CMSS1: variants seen among roughly 807,000 people sequenced by gnomAD.
The protein encoded by CMSS1 is protein CMSS1.
CMSS1 carries 33 observed loss-of-function variants against 43.5 expected under a neutral mutation model. The ratio of observed to expected loss-of-function variants is 0.76; its 90% CI spans 0.57 to 1.01. The LOEUF (loss-of-function observed/expected upper bound fraction) is 1.01, where lower values mean the gene tolerates loss of function less well. Ranked by LOEUF, CMSS1 falls within the 50% of genes least tolerant of loss-of-function variation. The pLI is 0.00. For missense variants in CMSS1, 313 were observed against 326.4 expected, an observed-to-expected ratio of 0.96 and a Z score of 0.32; for synonymous variants, 115 against 117.2, an observed-to-expected ratio of 0.98 and a Z score of 0.12.
chr3:100,037,764 GAATGTTTA>G (rs1281773787), intron 1 of CMSS1, among the ~76,000 whole-genome samples: 1 of 152,078 alleles, frequency 6.6e-6, no homozygotes, highest in Non-Finnish European at 1.5e-5. Context: ...GTGTATAAGT[GAATGTTTA>G]AATGTTTTTG....
intron 1 of CMSS1, among the ~76,000 whole-genome samples, chr3:99,965,014 G>A (rs775574261): frequency 2.0e-5 from 3 of 152,146 alleles, no homozygotes; most frequent in Admixed American, 6.5e-5. Flanking sequence ...GATATACTTA[G>A]ATACTGCTGT....
chr3:99,900,014 G>A (rs942044450), intron 1 of CMSS1, among the ~76,000 whole-genome samples: 3 of 152,182 alleles, frequency 2.0e-5, no homozygotes, highest in African/African-American at 7.2e-5. Context: ...GAACCAACTT[G>A]TCAGGACTTT....
At chr3:99,828,924 C>T (rs1006686020) in intron 1 of CMSS1, among the ~76,000 whole-genome samples, 4 of 151,924 alleles carry the variant, frequency 2.6e-5, no homozygotes, top group African/African-American at 9.7e-5. Context: ...CCTATCATCC[C>T]TCTCAATGCT....
At chr3:99,876,153 C>G (rs1705505848) in intron 1 of CMSS1, 1 of 985,978 alleles carries the variant, frequency 1.0e-6, no homozygotes, top group South Asian at 4.7e-5. Context: ...GTGCGCGCTC[C>G]GAGAGTCGCC....
At chr3:100,106,638 G>C (rs2107467899) in intron 1 of CMSS1, among the ~76,000 whole-genome samples, 1 of 152,280 alleles carries the variant, frequency 6.6e-6, no homozygotes, top group South Asian at 2.1e-4. Context: ...AAGGGCTGTA[G>C]GATCCAGAAG....
chr3:100,097,861 C>G lies in CMSS1; in HGVS notation c.65-49112C>G, dbSNP rs550231283. ...CTTGCTACCTTCTAAGTTGCAATGGCTTTGTTGCACTTTTTCTGAATAGCT... is the reference window on the plus strand; with the variant it reads ...CTTGCTACCTTCTAAGTTGCAATGGGTTTGTTGCACTTTTTCTGAATAGCT... On this transcript the variant is annotated intron_variant, in intron 1 of 9. Coordinates refer to ENST00000421999, the MANE Select transcript of CMSS1 (RefSeq NM_032359.4). Among the ~76,000 whole-genome samples, 14 of 152,290 alleles carry G rather than the reference C, an allele frequency of 9.2e-5. No homozygotes were observed. The South Asian group carries it at 2.1e-3, about 23-fold the overall frequency.
At chr3:100,166,297 A>G (rs1343261156) in intron 4 of CMSS1, 38 bp from the exon 5 acceptor site, 1 of 1,388,480 alleles carries the variant, frequency 7.2e-7, no homozygotes, top group Admixed American at 1.7e-5. Context: ...GTGTGTGTTT[A>G]CAAAATTATC....
intron 1 of CMSS1, among the ~76,000 whole-genome samples, chr3:99,939,317 G>A (rs761960808): frequency 1.3e-5 from 2 of 152,196 alleles, no homozygotes; most frequent in Admixed American, 1.3e-4. Flanking sequence ...TTTAGTTCGT[G>A]TATCCTGGTT....
chr3:99,872,017 A>G (rs1559669621), intron 1 of CMSS1, among the ~76,000 whole-genome samples: 1 of 152,012 alleles, frequency 6.6e-6, no homozygotes, highest in East Asian at 1.9e-4. Context: ...TTATATCTAA[A>G]TTAACACCTA....
intron 2 of CMSS1, among the ~76,000 whole-genome samples, chr3:100,159,628 T>C (rs2067005690): frequency 6.6e-6 from 1 of 152,208 alleles, no homozygotes; most frequent in Non-Finnish European, 1.5e-5. Context: ...GCATAAAAGG[T>C]CCAGCACAGG....
rs79332748 is a variant in CMSS1 at position 99,860,614 on chromosome 3, A to C, written c.64+42571A>C. 4.7e-3 allele frequency among the ~76,000 whole-genome samples: 718 copies of C among 152,302 alleles called. 20 individuals carry two copies. The highest frequency in any genetic ancestry group is 0.028 in the East Asian group (147 of 5,170). On this transcript the variant is annotated intron_variant, in intron 1 of 9. Transcript: ENST00000421999. ...CTACAAGGAGAATATTTTCATCTTG[A>C]GAACAAAGGAGGTGCCCATGATTCT...
intron 1 of CMSS1, among the ~76,000 whole-genome samples, chr3:99,832,356 C>G (rs1003677153): frequency 9.9e-5 from 15 of 150,942 alleles, no homozygotes; most frequent in Admixed American, 6.6e-5. Context: ...TCAGCCTCCC[C>G]AGTAGCTGGG....
rs576860716 is a variant in CMSS1, at chr3:100,004,044, C to A, written c.65-142929C>A. On this transcript the variant is annotated intron_variant, in intron 1 of 9. Coordinates refer to ENST00000421999, the MANE Select transcript of CMSS1 (RefSeq NM_032359.4). ...TGCCTCTCTCAGGGTAAGCATCTTG[C>A]CTTACTCAGATGGTTACCAAAACTG... Among the ~76,000 whole-genome samples the A allele has an allele frequency of 4.6e-5, 7 of 152,248 alleles. No homozygotes were observed. The East Asian group carries it at 7.7e-4, about 17-fold the overall frequency.
Position 100,160,444 on chromosome 3 carries a change from T to C in CMSS1, c.168T>C (p.Phe56=). The C allele has an allele frequency of 6.7e-7, 1 of 1,498,628 alleles. No homozygotes were observed. The highest frequency in any genetic ancestry group is 2.3e-5 in the East Asian group (1 of 44,162). The allele number at this position is 1,498,628 out of a possible 1,614,324, so 92.8% of individuals were successfully genotyped here. A position where few individuals can be genotyped will look rare whatever the true frequency, so the allele number is the denominator to read the frequency against. Residue 56 remains phenylalanine (F), a synonymous_variant, in exon 3 of 10, where the codon TTT becomes TTC. Coordinates refer to ENST00000421999, the MANE Select transcript of CMSS1 (RefSeq NM_032359.4). The part of the protein sequence containing the change: ...SEKTKQPKEC[F]LIQPKERKEN... ...TTTCTTAATAGCCTAAAGAATGTTT[T>C]TTGATACAACCAAAGGAAAGAAAAG...
intron 1 of CMSS1, among the ~76,000 whole-genome samples, chr3:99,836,395 G>A (rs753811783): frequency 6.6e-6 from 1 of 152,106 alleles, no homozygotes; most frequent in Admixed American, 6.6e-5. Context: ...GGTTATGGGC[G>A]CATGCTAAGT....
chr3:100,141,386 A>T lies in CMSS1; in HGVS notation c.65-5587A>T, dbSNP rs147841880. 1.7e-4 allele frequency: 47 copies of T among 271,392 alleles called. 1 individual carries two copies. The Admixed American group carries it at 2.2e-3, about 13-fold the overall frequency. 16.8% of individuals were successfully genotyped at this position (271,392 alleles called of 1,614,324 possible). A position where few individuals can be genotyped will look rare whatever the true frequency, so the allele number is the denominator to read the frequency against. On this transcript the variant is annotated intron_variant, in intron 1 of 9. Transcript: ENST00000421999. ...TCCCCAAAAATGCTCCCAGCCATCC[A>T]GCACTACTCCCTGGGAGATACGTGG...
chr3:99,904,768 C>A (rs370542373), intron 1 of CMSS1, among the ~76,000 whole-genome samples: 1 of 152,160 alleles, frequency 6.6e-6, no homozygotes, highest in Admixed American at 6.5e-5. Flanking sequence ...TTCTATCCAT[C>A]CTCTTTTGCT....
intron 1 of CMSS1, among the ~76,000 whole-genome samples, chr3:99,976,952 C>T (rs1193240671): frequency 6.6e-6 from 1 of 152,150 alleles, no homozygotes; most frequent in Non-Finnish European, 1.5e-5. Context: ...AGTTTGAACT[C>T]CCTGTGTGAC....
chr3:99,855,867 C>T (rs944134186), intron 1 of CMSS1, among the ~76,000 whole-genome samples: 8 of 152,106 alleles, frequency 5.3e-5, no homozygotes, highest in African/African-American at 1.9e-4. Flanking sequence ...TAACATTTGC[C>T]ATCTAATGTA....
Sources: gnomAD v4.1 joint callset for allele counts (sites outside exome capture counted in the v4.1 genomes callset) on GRCh38, gnomAD v4.1.1 for gene constraint, MANE v1.5 for transcripts, NCBI Gene and HGNC (gene_info 2026-07-23, HGNC 2026-07-21) for gene names.